Variants in COL19A1 observed in about 807,000 individuals in gnomAD.
COL19A1 encodes the protein collagen type XIX alpha 1 chain, also known as collagen alpha-1(XIX) chain.
COL19A1 carries 159 observed loss-of-function variants against 190.2 expected under a neutral mutation model. That is an observed-to-expected ratio of 0.84 (90% CI 0.73 to 0.95). The LOEUF is 0.95. Among genes scored for constraint, COL19A1 ranks in the 40% least tolerant of loss-of-function variants. The probability of loss-of-function intolerance (pLI) is 0.00; values close to 1 mark genes in which losing one functional copy is unlikely to be tolerated. For synonymous variants in COL19A1, 509 were observed against 458.9 expected (o/e 1.11, Z -1.39); for missense variants, 1,418 against 1,431.9 (o/e 0.99, Z 0.16).
At chr6:70,202,593 G>A (rs982351258) in intron 49 of COL19A1, among the ~76,000 whole-genome samples, 1 of 152,138 alleles carries the variant, frequency 6.6e-6, no homozygotes, top group African/African-American at 2.4e-5. Context: ...AAAGTATAAA[G>A]GGGTTTCATA....
At chr6:69,877,627 A>G (rs1258282656) in intron 1 of COL19A1, among the ~76,000 whole-genome samples, 1 of 152,192 alleles carries the variant, frequency 6.6e-6, no homozygotes, top group Non-Finnish European at 1.5e-5. Flanking sequence ...CAGAAGGAAA[A>G]ACAGACTTGT....
chr6:70,053,831 T>G (rs1780346465), intron 14 of COL19A1, among the ~76,000 whole-genome samples: 1 of 152,240 alleles, frequency 6.6e-6, no homozygotes, highest in South Asian at 2.1e-4. Flanking sequence ...TTTCACTTTA[T>G]TTAGTGCATG....
chr6:70,186,709 A>ATCTC (rs141792412), intron 46 of COL19A1, among the ~76,000 whole-genome samples: 26 of 148,388 alleles, frequency 1.8e-4, no homozygotes, highest in African/African-American at 5.9e-4. Context: ...AACTGCCATG[A>ATCTC]TCTCTCTCTC....
intron 11 of COL19A1, among the ~76,000 whole-genome samples, chr6:69,980,391 C>G (rs1019341689): frequency 6.6e-6 from 1 of 151,928 alleles, no homozygotes; most frequent in African/African-American, 2.4e-5. Flanking sequence ...ATTTTATACC[C>G]TATATAAAAA....
intron 14 of COL19A1, among the ~76,000 whole-genome samples, chr6:70,046,214 A>G (rs893123617): frequency 2.0e-5 from 3 of 152,174 alleles, no homozygotes; most frequent in Non-Finnish European, 4.4e-5. Flanking sequence ...TGCTATTACT[A>G]CTTGGTCCTA....
chr6:70,192,954 T>C (rs1766975558), intron 48 of COL19A1, among the ~76,000 whole-genome samples: 1 of 152,226 alleles, frequency 6.6e-6, no homozygotes, highest in Non-Finnish European at 1.5e-5. Context: ...GTAGTGTCTT[T>C]ATTTATCTTT....
Position 70,103,274 on chromosome 6 carries a change from C to A in COL19A1, c.1278+1052C>A, listed in dbSNP as rs572727368. On this transcript the variant is annotated intron_variant, in intron 16 of 50. Transcript: ENST00000620364. ...CCAGTAGCCCACAAATCCTCTCCGT[C>A]TTCACTGTCAACGGCCTTAGTTTAG... is the stretch of plus-strand genomic sequence containing the variant. Among the ~76,000 whole-genome samples the A allele has an allele frequency of 2.0e-5, 3 of 152,262 alleles. No individual in the cohort carries two copies. The South Asian group carries it at 6.2e-4, about 32-fold the overall frequency.
chr6:69,929,762 T>A, intron 6 of COL19A1, 62 bp downstream of exon 6: 3 of 1,446,762 alleles, frequency 2.1e-6, no homozygotes, highest in South Asian at 1.4e-5. Flanking sequence ...AAAATCTTAT[T>A]AAAAACATTC....
chr6:69,891,921 G>C (rs923507259), intron 2 of COL19A1, among the ~76,000 whole-genome samples: 6 of 152,160 alleles, frequency 3.9e-5, no homozygotes, highest in Admixed American at 6.5e-5. Flanking sequence ...CTAGGGCTTT[G>C]ACCAGAAGCT....
At chr6:70,093,099 A>T (rs918353742) in intron 15 of COL19A1, among the ~76,000 whole-genome samples, 3 of 152,146 alleles carry the variant, frequency 2.0e-5, no homozygotes, top group African/African-American at 7.2e-5. Context: ...TGAAGGAGAA[A>T]AGTCTTCATT....
At chr6:70,166,120 C>A (rs1470871320) in intron 37 of COL19A1, 135 bp downstream of exon 37, 3 of 795,198 alleles carry the variant, frequency 3.8e-6, no homozygotes, top group Non-Finnish European at 6.4e-6. Flanking sequence ...AAATGATAGC[C>A]AATGTAGCTT....
chr6:70,047,856 T>A (rs180712437), intron 14 of COL19A1, among the ~76,000 whole-genome samples: 71 of 152,222 alleles, frequency 4.7e-4, no homozygotes, highest in Admixed American at 4.6e-3. Flanking sequence ...TATCTCCTTT[T>A]CTCTTCCAGT....
intron 18 of COL19A1, among the ~76,000 whole-genome samples, chr6:70,133,609 G>A (rs1219749111): frequency 6.6e-6 from 1 of 152,188 alleles, no homozygotes; most frequent in African/African-American, 2.4e-5. Flanking sequence ...TGAGAAAATA[G>A]CAGGTGTCTT....
intron 14 of COL19A1, among the ~76,000 whole-genome samples, chr6:70,065,301 C>A (rs547987404): frequency 2.5e-4 from 38 of 152,172 alleles, no homozygotes; most frequent in African/African-American, 9.2e-4. Context: ...AGAAATAATA[C>A]CACACATCTA....
intron 4 of COL19A1, among the ~76,000 whole-genome samples, chr6:69,923,711 G>T (rs1175028273): frequency 6.6e-6 from 1 of 152,094 alleles, no homozygotes; most frequent in Non-Finnish European, 1.5e-5. Context: ...TATGTTACAG[G>T]GCTGTGTGAA....
intron 1 of COL19A1, among the ~76,000 whole-genome samples, chr6:69,877,824 T>C (rs939431758): frequency 1.3e-5 from 2 of 151,762 alleles, no homozygotes; most frequent in Admixed American, 6.6e-5. Flanking sequence ...TTCAAGACCA[T>C]CCTGGCCCCA....
At chr6:70,140,833 T>C in intron 19 of COL19A1, 121 bp from the exon 20 acceptor site, 1 of 832,192 alleles carries the variant, frequency 1.2e-6, no homozygotes, top group South Asian at 1.5e-5. Context: ...ACACTCTGGG[T>C]ATTTTTGGAG....
chr6:70,086,295 A>G (rs1782589658), intron 15 of COL19A1, among the ~76,000 whole-genome samples: 1 of 151,964 alleles, frequency 6.6e-6, no homozygotes. Context: ...CACACACACC[A>G]AGGATAAATC....
At chr6:70,138,457 T>C (rs759870457) in intron 19 of COL19A1, among the ~76,000 whole-genome samples, 3 of 152,110 alleles carry the variant, frequency 2.0e-5, no homozygotes, top group Admixed American at 1.3e-4. Flanking sequence ...AAAAAGCAGT[T>C]TTCAAGAATC....
Sources: gnomAD v4.1 joint callset for allele counts (sites outside exome capture counted in the v4.1 genomes callset) on GRCh38, gnomAD v4.1.1 for gene constraint, MANE v1.5 for transcripts, NCBI Gene and HGNC (gene_info 2026-07-23, HGNC 2026-07-21) for gene names.